The following EPB41L5 variants were observed in gnomAD, a reference collection of about 807,000 sequenced individuals.
EPB41L5 encodes band 4.1-like protein 5.
EPB41L5 carries 55 observed loss-of-function variants against 106.6 expected under a neutral mutation model. That is an observed-to-expected ratio of 0.52 (90% CI 0.42 to 0.65). The LOEUF (loss-of-function observed/expected upper bound fraction) is 0.65. Among genes scored for constraint, EPB41L5 ranks in the 30% least tolerant of loss-of-function variants. The pLI, the probability that EPB41L5 is intolerant of heterozygous loss-of-function variation, is 0.00. For synonymous variants in EPB41L5, 297 were observed against 306.7 expected, an observed-to-expected ratio of 0.97 and a Z score of 0.33; for missense variants, 871 against 882.1, an observed-to-expected ratio of 0.99 and a Z score of 0.16.
At chr2:120,074,249 C>A in intron 5 of EPB41L5, 71 bp downstream of exon 5, 1 of 1,135,406 alleles carries the variant, frequency 8.8e-7, no homozygotes, top group Non-Finnish European at 1.3e-6. Flanking sequence ...ATATTGTTTC[C>A]AATTTATAGC....
intron 24 of EPB41L5, among the ~76,000 whole-genome samples, chr2:120,173,016 C>T (rs72841657): frequency 0.046 from 6,949 of 152,098 alleles, 229 homozygotes; most frequent in Non-Finnish European, 0.071. Context: ...TCGCTTAAGA[C>T]CGGGAGTTCA....
intron 22 of EPB41L5, among the ~76,000 whole-genome samples, chr2:120,165,861 G>A (rs1238559597): frequency 2.0e-5 from 3 of 151,764 alleles, no homozygotes; most frequent in Admixed American, 6.6e-5. Flanking sequence ...CCAGCTACTC[G>A]GGAGGCTGAG....
At chr2:120,085,918 G>C (rs1006354317) in intron 10 of EPB41L5, among the ~76,000 whole-genome samples, 1 of 152,174 alleles carries the variant, frequency 6.6e-6, no homozygotes, top group African/African-American at 2.4e-5. Flanking sequence ...GCACTTAGAA[G>C]AATACTTAGG....
chr2:120,163,608 T>G (rs987789494), intron 21 of EPB41L5, among the ~76,000 whole-genome samples: 1 of 151,038 alleles, frequency 6.6e-6, no homozygotes, highest in African/African-American at 2.4e-5. Flanking sequence ...TTTTTTTTTT[T>G]TAAGTTCAAA....
In EPB41L5 at chr2:120,077,046, C is replaced by T; in HGVS notation, c.581C>T (p.Thr194Ile). ...VSEFRFVPIQ[T>I]EEMELAIFEK... ...GAGTTCAGATTCGTGCCTATTCAGACTGAAGAGATGGAACTGGCTATTTTT... is the reference window on the plus strand; with the variant it reads ...GAGTTCAGATTCGTGCCTATTCAGATTGAAGAGATGGAACTGGCTATTTTT... The change falls in exon 8 of 25, where the codon ACT becomes ATT. Residue 194 changes from threonine (T) to isoleucine (I), a missense_variant. Coordinates refer to ENST00000263713, the MANE Select transcript of EPB41L5 (RefSeq NM_020909.4). 1 of 1,613,150 alleles carries T rather than the reference C, an allele frequency of 6.2e-7. No individual in the cohort carries two copies. The highest frequency in any genetic ancestry group is 8.5e-7 in the Non-Finnish European group (1 of 1,179,470).
rs948144805 is a variant in EPB41L5 at position 120,175,914 on chromosome 2, C to G, written c.*1007C>G. On this transcript the variant is annotated 3_prime_UTR_variant, in exon 25 of 25. Transcript: ENST00000263713. The stretch of plus-strand genomic sequence containing the variant: ...CCAAGACCAAAATAGGCAATAGGAA[C>G]AGGGGTGAAGGGATGTTGTTTCTTA... The G allele has an allele frequency of 4.0e-5, 6 of 151,868 alleles. No individual in the cohort carries two copies. The highest frequency in any genetic ancestry group is 1.3e-4 in the Admixed American group (2 of 15,254). The allele number at this position is 151,868 out of a possible 1,614,324, so 9.4% of individuals were successfully genotyped here. A position where few individuals can be genotyped will look rare whatever the true frequency, so the allele number is the denominator to read the frequency against.
chr2:120,174,994 A>T lies in EPB41L5; in HGVS notation c.*87A>T. The T allele has an allele frequency of 7.7e-7, 1 of 1,298,124 alleles. No individual in the cohort carries two copies. The highest frequency in any genetic ancestry group is 1.2e-5 in the South Asian group (1 of 84,568). 80.4% of individuals were successfully genotyped at this position (1,298,124 alleles called of 1,614,324 possible). A position where few individuals can be genotyped will look rare whatever the true frequency, so the allele number is the denominator to read the frequency against. ...ATATGTTGGATTCAGGAGCTTGTCC[A>T]TTATTTGTAGGTAAAAAAAGCTGCA... On this transcript the variant is annotated 3_prime_UTR_variant, in exon 25 of 25. Coordinates refer to ENST00000263713, the MANE Select transcript of EPB41L5 (RefSeq NM_020909.4).
intron 10 of EPB41L5, among the ~76,000 whole-genome samples, chr2:120,081,001 A>C (rs886737584): frequency 6.6e-6 from 1 of 151,726 alleles, no homozygotes; most frequent in African/African-American, 2.4e-5. Context: ...TGTAGATTCT[A>C]GATATTAGCA....
chr2:120,112,088 T>G lies in EPB41L5; in HGVS notation c.1337+11274T>G, dbSNP rs73952036. Reference sequence around the variant, plus strand: ...CATGTTCCCCGCCCCCTGCCCAGTCTTCTTTTTATTTCCTGTCTGCCTTAC... The same window carrying G: ...CATGTTCCCCGCCCCCTGCCCAGTCGTCTTTTTATTTCCTGTCTGCCTTAC... On this transcript the variant is annotated intron_variant, in intron 16 of 24. Coordinates refer to ENST00000263713, the MANE Select transcript of EPB41L5 (RefSeq NM_020909.4). Among the ~76,000 whole-genome samples the G allele has an allele frequency of 5.2e-3, 789 of 152,280 alleles. 4 individuals are homozygous for G. Among genetic ancestry groups the G allele is most frequent in the African/African-American group, 0.018 (759 of 41,568 alleles).
At position 120,161,108 on chromosome 2, in the gene EPB41L5, G is replaced by A. The variant is rs185367702; in HGVS notation, c.1887+134G>A. On this transcript the variant is annotated intron_variant, in intron 21 of 24. Transcript: ENST00000263713. ...ATGTGAGAAGAGCAGCCGAGCACAG[G>A]GGCTCACACCTATAATTCCAGCACT... 11 of 665,892 alleles carry A rather than the reference G, an allele frequency of 1.7e-5. No individual in the cohort carries two copies. The Admixed American group carries it at 1.7e-4, about 10-fold the overall frequency. The allele number at this position is 665,892 out of a possible 1,614,324, so 41.2% of individuals were successfully genotyped here.
intron 18 of EPB41L5, among the ~76,000 whole-genome samples, chr2:120,134,244 C>A: frequency 6.6e-6 from 1 of 151,912 alleles, no homozygotes; most frequent in East Asian, 1.9e-4. Flanking sequence ...CTTTGTCTTG[C>A]AACTTGGGTA....
At chr2:120,034,408 A>G (rs990189862) in intron 2 of EPB41L5, among the ~76,000 whole-genome samples, 3 of 152,368 alleles carry the variant, frequency 2.0e-5, no homozygotes, top group African/African-American at 4.8e-5. Flanking sequence ...TTCTAGAGCT[A>G]TGCCTTAGAA....
chr2:120,094,594 C>T (rs1683624451), intron 14 of EPB41L5, among the ~76,000 whole-genome samples: 1 of 150,574 alleles, frequency 6.6e-6, no homozygotes, highest in Non-Finnish European at 1.5e-5. Context: ...AATTTTTGCT[C>T]TATATTATTT....
chr2:120,125,579 G>A (rs1685422552), intron 16 of EPB41L5, among the ~76,000 whole-genome samples: 1 of 152,162 alleles, frequency 6.6e-6, no homozygotes, highest in Admixed American at 6.5e-5. Context: ...CACTTTCAGA[G>A]GTTCTTTTAG....
At chr2:120,076,209 T>G (rs1446241023) in intron 7 of EPB41L5, among the ~76,000 whole-genome samples, 8 of 152,208 alleles carry the variant, frequency 5.3e-5, no homozygotes, top group African/African-American at 1.9e-4. Flanking sequence ...TTAGTTCCTT[T>G]CAGTTATTTC....
At chr2:120,107,415 CTCTT>C (rs1281337953) in intron 16 of EPB41L5, among the ~76,000 whole-genome samples, 1 of 152,194 alleles carries the variant, frequency 6.6e-6, no homozygotes, top group East Asian at 1.9e-4. Flanking sequence ...AACGTTTTCT[CTCTT>C]TCCCACCACA....
At chr2:120,097,324 C>G (rs1275771993) in intron 14 of EPB41L5, among the ~76,000 whole-genome samples, 1 of 152,190 alleles carries the variant, frequency 6.6e-6, no homozygotes, top group African/African-American at 2.4e-5. Context: ...TATGCCCTTT[C>G]ACTCTTGCCC....
intron 16 of EPB41L5, among the ~76,000 whole-genome samples, chr2:120,124,468 C>T (rs923438825): frequency 6.6e-6 from 1 of 152,286 alleles, no homozygotes; most frequent in South Asian, 2.1e-4. Context: ...AATATGTTAT[C>T]ATATTTGCTC....
chr2:120,021,974 GA>G (rs1558800233), intron 2 of EPB41L5, among the ~76,000 whole-genome samples: 1 of 151,612 alleles, frequency 6.6e-6, no homozygotes. Context: ...TTCCTTTAAA[GA>G]AAAAAAATTA....
Sources: allele counts gnomAD v4.1 joint callset (sites outside exome capture counted in the v4.1 genomes callset), GRCh38; gene constraint gnomAD v4.1.1; transcripts MANE v1.5; gene names NCBI Gene and HGNC (gene_info 2026-07-23, HGNC 2026-07-21).